Variants in ZNF385B observed in about 807,000 individuals in gnomAD.
ZNF385B encodes zinc finger protein 533.
ZNF385B carries 23 observed loss-of-function variants against 39.2 expected under a neutral mutation model. That is an observed-to-expected ratio of 0.59 (90% CI 0.42 to 0.83). The LOEUF is 0.83. Among genes scored for constraint, ZNF385B ranks in the 40% least tolerant of loss-of-function variants. The pLI is 0.00. For missense variants in ZNF385B, 552 were observed against 598.9 expected (o/e 0.92, Z 0.82); for synonymous variants, 205 against 222.6 (o/e 0.92, Z 0.70).
At chr2:179,514,087 T>C (rs2057902362) in intron 5 of ZNF385B, 1 of 152,258 alleles carries the variant, frequency 6.6e-6, no homozygotes, top group Non-Finnish European at 1.5e-5. Flanking sequence ...TATCTTACAG[T>C]TCTGGAGGTC....
intron 3 of ZNF385B, among the ~76,000 whole-genome samples, chr2:179,661,105 C>G (rs1157694748): frequency 6.6e-6 from 1 of 151,736 alleles, no homozygotes; most frequent in Non-Finnish European, 1.5e-5. Context: ...TTGGTTAAAG[C>G]AAGGTTAAAA....
At position 179,714,942 on chromosome 2, in the gene ZNF385B, C is replaced by CAAAAAAAAAAAAAAA. The variant is rs34449760; in HGVS notation, c.298+54546_298+54560dup. Reference sequence around the variant, plus strand: ...TGGGTAACAAAGCGAGATTCTATCTCAAAAAAAAAAAAAAAAAAACAGTTT... The same window carrying CAAAAAAAAAAAAAAA: ...TGGGTAACAAAGCGAGATTCTATCTCAAAAAAAAAAAAAAAAAAAAAAAAAAAAAAAAAACAGTTT... On this transcript the variant is annotated intron_variant, in intron 3 of 9. Transcript: ENST00000410066. Among the ~76,000 whole-genome samples the CAAAAAAAAAAAAAAA allele has an allele frequency of 2.1e-4, 17 of 79,248 alleles. 1 individual carries two copies. The South Asian group carries it at 2.6e-3, about 12-fold the overall frequency. The allele number at this position is 79,248 out of a possible 152,430, so 52.0% of individuals were successfully genotyped here.
chr2:179,598,466 T>C (rs1314670757), intron 3 of ZNF385B, among the ~76,000 whole-genome samples: 1 of 152,220 alleles, frequency 6.6e-6, no homozygotes, highest in Admixed American at 6.6e-5. Context: ...TCTAACGTGC[T>C]TTAGTCTTAA....
At chr2:179,462,979 T>C (rs1443453996) in intron 6 of ZNF385B, among the ~76,000 whole-genome samples, 4 of 152,182 alleles carry the variant, frequency 2.6e-5, no homozygotes, top group Non-Finnish European at 4.4e-5. Flanking sequence ...TAAAATTCTA[T>C]ATTCATATGG....
intron 3 of ZNF385B, among the ~76,000 whole-genome samples, chr2:179,733,394 C>T (rs1440938543): frequency 1.3e-5 from 2 of 152,220 alleles, no homozygotes; most frequent in Non-Finnish European, 1.5e-5. Flanking sequence ...GATCACATCA[C>T]ATTCCTTCCA....
intron 3 of ZNF385B, among the ~76,000 whole-genome samples, chr2:179,663,580 G>T (rs1021035445): frequency 2.0e-5 from 3 of 151,908 alleles, no homozygotes; most frequent in Non-Finnish European, 2.9e-5. Context: ...CGTGGTGGCG[G>T]GCGCCTGTAG....
intron 1 of ZNF385B, among the ~76,000 whole-genome samples, chr2:179,778,267 A>C (rs978480199): frequency 2.0e-5 from 3 of 152,214 alleles, no homozygotes; most frequent in African/African-American, 7.2e-5. Context: ...GCAGAGCACA[A>C]GACAGCAAAC....
At chr2:179,649,771 G>A (rs867338763) in intron 3 of ZNF385B, among the ~76,000 whole-genome samples, 6 of 151,974 alleles carry the variant, frequency 3.9e-5, no homozygotes, top group Admixed American at 2.0e-4. Context: ...AGCATTGGAG[G>A]TTTGGGGAAG....
At chr2:179,676,238 A>G (rs1042270285) in intron 3 of ZNF385B, among the ~76,000 whole-genome samples, 17 of 151,840 alleles carry the variant, frequency 1.1e-4, no homozygotes, top group Middle Eastern at 3.4e-3. Flanking sequence ...ACAGGCGCCC[A>G]CCAACACACC....
At chr2:179,801,954 C>T (rs1706061483) in intron 1 of ZNF385B, among the ~76,000 whole-genome samples, 1 of 152,154 alleles carries the variant, frequency 6.6e-6, no homozygotes, top group East Asian at 1.9e-4. Context: ...GTTAAGATGT[C>T]ATAGATCCAT....
chr2:179,801,318 A>C (rs1706017574), intron 1 of ZNF385B, among the ~76,000 whole-genome samples: 1 of 152,086 alleles, frequency 6.6e-6, no homozygotes, highest in Admixed American at 6.6e-5. Flanking sequence ...CTTTAGACCA[A>C]GTTTCTCCTG....
chr2:179,633,272 C>A (rs3112952), intron 3 of ZNF385B, among the ~76,000 whole-genome samples: 58,207 of 151,890 alleles, frequency 0.38, 11,334 homozygotes, highest in African/African-American at 0.46. Flanking sequence ...TTAGACCAAT[C>A]TCCCTGATGA....
chr2:179,555,079 TAA>T (rs1374797324), intron 3 of ZNF385B, among the ~76,000 whole-genome samples: 1 of 149,604 alleles, frequency 6.7e-6, no homozygotes, highest in East Asian at 1.9e-4. Flanking sequence ...ACTAGCCAGT[TAA>T]TCTATCAACA....
intron 1 of ZNF385B, among the ~76,000 whole-genome samples, chr2:179,842,683 A>G (rs1708598249): frequency 2.0e-5 from 3 of 151,932 alleles, no homozygotes; most frequent in Admixed American, 2.0e-4. Context: ...GGCCACCATG[A>G]GCAGCCCTTA....
At position 179,624,589 on chromosome 2, in the gene ZNF385B, A is replaced by T. The variant is rs149001919; in HGVS notation, c.299-79620T>A. Among the ~76,000 whole-genome samples the T allele has an allele frequency of 4.8e-3, 729 of 152,356 alleles. 8 individuals are homozygous for T. The highest frequency in any genetic ancestry group is 0.017 in the African/African-American group (698 of 41,596). ...CTGGTGATTAGCAGTAATCTAGAGAAGAGATAAAGCAAAATACGAGTAAAA... is the reference window on the plus strand; with the variant it reads ...CTGGTGATTAGCAGTAATCTAGAGATGAGATAAAGCAAAATACGAGTAAAA... On this transcript the variant is annotated intron_variant, in intron 3 of 9. Coordinates refer to ENST00000410066, the MANE Select transcript of ZNF385B (RefSeq NM_152520.6).
chr2:179,487,533 C>A (rs2105623659), intron 5 of ZNF385B, among the ~76,000 whole-genome samples: 1 of 152,270 alleles, frequency 6.6e-6, no homozygotes, highest in Admixed American at 6.5e-5. Flanking sequence ...ACTTCATTAT[C>A]TAGGAATCTT....
intron 3 of ZNF385B, among the ~76,000 whole-genome samples, chr2:179,610,593 TATC>T (rs944752452): frequency 9.5e-4 from 145 of 152,304 alleles, no homozygotes; most frequent in African/African-American, 3.4e-3. Flanking sequence ...CTGTGAAGAA[TATC>T]ATTGATATTT....
intron 6 of ZNF385B, among the ~76,000 whole-genome samples, chr2:179,478,972 A>G (rs2053705356): frequency 6.6e-6 from 1 of 152,120 alleles, no homozygotes; most frequent in Non-Finnish European, 1.5e-5. Context: ...AATATGTTCT[A>G]GCCATCTTCC....
In ZNF385B at chr2:179,644,912, C is replaced by T. The variant is rs193236471; in HGVS notation, c.299-99943G>A. 5.3e-4 allele frequency among the ~76,000 whole-genome samples: 81 copies of T among 152,280 alleles called. No individual in the cohort carries two copies. The East Asian group carries it at 0.013, about 25-fold the overall frequency. On this transcript the variant is annotated intron_variant, in intron 3 of 9. Coordinates refer to ENST00000410066, the MANE Select transcript of ZNF385B (RefSeq NM_152520.6). The stretch of plus-strand genomic sequence containing the variant: ...TCCCATTTTATATACTTTGTTACAT[C>T]TCATATAGACCACATAATTTGTTCA...
Sources: allele counts gnomAD v4.1 joint callset (sites outside exome capture counted in the v4.1 genomes callset), GRCh38; gene constraint gnomAD v4.1.1; transcripts MANE v1.5; gene names NCBI Gene and HGNC (gene_info 2026-07-23, HGNC 2026-07-21).